MCTP1: variants seen among roughly 807,000 people sequenced by gnomAD.
MCTP1 encodes the protein multiple C2 and transmembrane domain containing 1, also known as multiple C2 and transmembrane domain-containing protein 1.
Under a neutral mutation model 120.6 loss-of-function variants are expected in MCTP1, and 69 were observed. The ratio of observed to expected loss-of-function variants is 0.57; its 90% confidence interval spans 0.47 to 0.70. The LOEUF (loss-of-function observed/expected upper bound fraction) is 0.70. Among genes scored for constraint, MCTP1 ranks in the 30% least tolerant of loss-of-function variants. The probability of loss-of-function intolerance (pLI) is 0.00; values close to 1 mark genes in which losing one functional copy is unlikely to be tolerated. For missense variants in MCTP1, 1,203 were observed against 1,248.8 expected, an observed-to-expected ratio of 0.96 and a Z score of 0.55; for synonymous variants, 529 against 493.1, an observed-to-expected ratio of 1.07 and a Z score of -0.96.
chr5:95,209,855 G>T (rs1334967472), intron 1 of MCTP1, among the ~76,000 whole-genome samples: 4 of 152,194 alleles, frequency 2.6e-5, no homozygotes, highest in Admixed American at 2.0e-4. Flanking sequence ...GTGTCCCAGA[G>T]ATTCTGGTAT....
intron 1 of MCTP1, among the ~76,000 whole-genome samples, chr5:95,269,616 A>G (rs2152729953): frequency 6.6e-6 from 1 of 152,356 alleles, no homozygotes; most frequent in Non-Finnish European, 1.5e-5. Context: ...AGGGACAGTC[A>G]GACTCAATCA....
In MCTP1 at chr5:94,947,253, T is replaced by C. The variant is rs1819179450; in HGVS notation, c.982-4826A>G. On this transcript the variant is annotated intron_variant, in intron 3 of 22. Transcript: ENST00000515393. Reference sequence around the variant, plus strand: ...CATAGGATTTTTCCCAGCCCCAGTATTGGGGAAATGGACAATGGATGTACG... The same window carrying C: ...CATAGGATTTTTCCCAGCCCCAGTACTGGGGAAATGGACAATGGATGTACG... Among the ~76,000 whole-genome samples the C allele has an allele frequency of 2.6e-5, 4 of 152,098 alleles. No homozygotes were observed. The South Asian group carries it at 8.3e-4, about 32-fold the overall frequency.
At chr5:94,957,694 G>C (rs1561925032) in intron 2 of MCTP1, among the ~76,000 whole-genome samples, 4 of 152,056 alleles carry the variant, frequency 2.6e-5, no homozygotes, top group Admixed American at 6.6e-5. Context: ...TAATGGCAAA[G>C]GGATCAATGC....
At position 94,781,506 on chromosome 5, in the gene MCTP1, A is replaced by G. The variant is rs144975333; in HGVS notation, c.2557-2343T>C. Among the ~76,000 whole-genome samples, 754 of 152,334 alleles carry G rather than the reference A, an allele frequency of 4.9e-3. 3 individuals are homozygous for G. Among genetic ancestry groups the G allele is most frequent in the Middle Eastern group, 0.017 (5 of 294 alleles). On this transcript the variant is annotated intron_variant, in intron 18 of 22. Coordinates refer to ENST00000515393, the MANE Select transcript of MCTP1 (RefSeq NM_024717.7). ...ACCTGGAAGGACTTATACCTAATCA[A>G]TGATGCAGATTTATAAAAGCAAATA... is the stretch of plus-strand genomic sequence containing the variant.
intron 19 of MCTP1, among the ~76,000 whole-genome samples, chr5:94,741,887 T>C (rs774201369): frequency 1.3e-5 from 2 of 152,234 alleles, no homozygotes; most frequent in African/African-American, 2.4e-5. Flanking sequence ...TTTCCTCAGA[T>C]GTGAGATTGG....
At chr5:94,881,442 T>G (rs1800059642) in intron 12 of MCTP1, among the ~76,000 whole-genome samples, 1 of 152,164 alleles carries the variant, frequency 6.6e-6, no homozygotes, top group Admixed American at 6.6e-5. Flanking sequence ...CCATTAACCC[T>G]CCTTGCTAGC....
chr5:94,732,057 A>G (rs61152231), intron 19 of MCTP1, among the ~76,000 whole-genome samples: 34,609 of 152,162 alleles, frequency 0.23, 4,043 homozygotes, highest in East Asian at 0.35. Flanking sequence ...TGTGAGTTTC[A>G]TCACTTAGGG....
chr5:94,869,267 C>T (rs1478517331), intron 16 of MCTP1, among the ~76,000 whole-genome samples: 1 of 151,958 alleles, frequency 6.6e-6, no homozygotes, highest in Admixed American at 6.6e-5. Flanking sequence ...CATTTTGCTA[C>T]TCCCAATATA....
intron 5 of MCTP1, among the ~76,000 whole-genome samples, chr5:94,933,705 T>C (rs998911529): frequency 2.0e-5 from 3 of 151,836 alleles, no homozygotes; most frequent in Non-Finnish European, 4.4e-5. Flanking sequence ...TGTTATGCTA[T>C]GTAAAAGGGC....
At chr5:95,175,384 G>A (rs1277973466) in intron 1 of MCTP1, among the ~76,000 whole-genome samples, 4 of 152,120 alleles carry the variant, frequency 2.6e-5, no homozygotes, top group Admixed American at 2.6e-4. Context: ...TCGTGTTCCT[G>A]GACTCAGTTT....
intron 17 of MCTP1, 59 bp from the exon 18 acceptor site, chr5:94,799,191 C>G (rs1780689686): frequency 1.3e-6 from 2 of 1,510,398 alleles, no homozygotes; most frequent in Non-Finnish European, 1.8e-6. Flanking sequence ...ATTAAATGGA[C>G]TCTTATTTAT....
At chr5:94,886,568 A>G (rs1308001803) in intron 12 of MCTP1, among the ~76,000 whole-genome samples, 1 of 152,242 alleles carries the variant, frequency 6.6e-6, no homozygotes, top group African/African-American at 2.4e-5. Context: ...TAACAGGCTC[A>G]TTTGTACCAT....
At chr5:94,997,509 C>A (rs1832837516) in intron 2 of MCTP1, among the ~76,000 whole-genome samples, 1 of 152,172 alleles carries the variant, frequency 6.6e-6, no homozygotes, top group Non-Finnish European at 1.5e-5. Flanking sequence ...CTGTACAACT[C>A]ACGTGTACAC....
chr5:95,182,380 G>C (rs1469950116), intron 1 of MCTP1, among the ~76,000 whole-genome samples: 6 of 152,184 alleles, frequency 3.9e-5, no homozygotes, highest in African/African-American at 1.4e-4. Flanking sequence ...GGTTATACAA[G>C]AAGAAGGCAA....
intron 3 of MCTP1, among the ~76,000 whole-genome samples, chr5:94,951,672 T>G (rs1378474647): frequency 6.6e-6 from 1 of 152,186 alleles, no homozygotes; most frequent in Non-Finnish European, 1.5e-5. Flanking sequence ...TTTATTCCTT[T>G]TTCATTGCCT....
Position 94,705,663 on chromosome 5 carries a change from A to G in MCTP1, c.*1833T>C, listed in dbSNP as rs1754385215. On this transcript the variant is annotated 3_prime_UTR_variant, in exon 23 of 23. Transcript: ENST00000515393. ...AGTCATCTGTTAATGGTTACTATCCACTAGATACATCTGAGGTTGTAGAAT... is the reference window on the plus strand; with the variant it reads ...AGTCATCTGTTAATGGTTACTATCCGCTAGATACATCTGAGGTTGTAGAAT... The G allele has an allele frequency of 6.6e-6, 1 of 151,706 alleles. No homozygotes were observed. Among genetic ancestry groups the G allele is most frequent in the Non-Finnish European group, 1.5e-5 (1 of 67,748 alleles). The allele number at this position is 151,706 out of a possible 1,614,324, so 9.4% of individuals were successfully genotyped here.
chr5:95,027,929 T>C (rs189064456), intron 1 of MCTP1, among the ~76,000 whole-genome samples: 3 of 152,276 alleles, frequency 2.0e-5, no homozygotes, highest in Admixed American at 2.0e-4. Flanking sequence ...ATAGGGAAAG[T>C]GAGCTGCAGA....
chr5:95,230,029 C>T (rs144274734), intron 1 of MCTP1, among the ~76,000 whole-genome samples: 1 of 152,090 alleles, frequency 6.6e-6, no homozygotes, highest in Non-Finnish European at 1.5e-5. Context: ...AACTAAGGCA[C>T]ATGCTCCTCT....
At chr5:95,179,576 T>C (rs1462039295) in intron 1 of MCTP1, among the ~76,000 whole-genome samples, 1 of 152,134 alleles carries the variant, frequency 6.6e-6, no homozygotes, top group Admixed American at 6.5e-5. Flanking sequence ...CCAGAGAAAC[T>C]AGGCTTCATA....
Sources: allele counts gnomAD v4.1 joint callset (sites outside exome capture counted in the v4.1 genomes callset), GRCh38; gene constraint gnomAD v4.1.1; transcripts MANE v1.5; gene names NCBI Gene and HGNC (gene_info 2026-07-23, HGNC 2026-07-21).